CSMD3: variants seen among roughly 807,000 people sequenced by gnomAD.
The protein encoded by CSMD3 is CUB and Sushi multiple domains 3, also known as CUB and sushi domain-containing protein 3.
Under a neutral mutation model 435.2 loss-of-function variants are expected in CSMD3, and 177 were observed. The observed-to-expected ratio is 0.41, with a 90% confidence interval of 0.36 to 0.46. CSMD3 has a LOEUF of 0.46. Ranked by LOEUF, CSMD3 falls within the 20% of genes least tolerant of loss-of-function variation. The pLI, the probability that CSMD3 is intolerant of heterozygous loss-of-function variation, is 0.34. For missense variants in CSMD3, 4,265 were observed against 4,504.6 expected, an observed-to-expected ratio of 0.95 and a Z score of 1.52; for synonymous variants, 1,656 against 1,520.5, an observed-to-expected ratio of 1.09 and a Z score of -2.07.
intron 5 of CSMD3, among the ~76,000 whole-genome samples, chr8:113,082,016 T>C (rs1202029979): frequency 1.3e-5 from 2 of 152,090 alleles, no homozygotes; most frequent in Non-Finnish European, 2.9e-5. Context: ...CTGGCCCACC[T>C]GGACAATCAC....
intron 1 of CSMD3, among the ~76,000 whole-genome samples, chr8:113,405,780 G>A (rs1038462721): frequency 1.7e-4 from 26 of 151,674 alleles, no homozygotes; most frequent in African/African-American, 6.3e-4. Context: ...TTCAAAGCTG[G>A]CAAATGAGAA....
At chr8:112,912,907 T>C (rs2082465691) in intron 10 of CSMD3, among the ~76,000 whole-genome samples, 1 of 151,864 alleles carries the variant, frequency 6.6e-6, no homozygotes, top group African/African-American at 2.4e-5. Context: ...AATGATTGAG[T>C]AGACATTTCT....
intron 9 of CSMD3, among the ~76,000 whole-genome samples, chr8:112,928,218 C>A (rs1026907286): frequency 6.6e-6 from 1 of 151,998 alleles, no homozygotes; most frequent in Non-Finnish European, 1.5e-5. Flanking sequence ...ATACATTGTT[C>A]AGAGAGAAAC....
intron 35 of CSMD3, among the ~76,000 whole-genome samples, chr8:112,401,600 T>C (rs763957984): frequency 3.6e-4 from 55 of 152,138 alleles, no homozygotes; most frequent in Non-Finnish European, 3.4e-4. Context: ...TTGCCAACAA[T>C]GAAAACAAAC....
chr8:112,603,721 G>A (rs1025905896), intron 22 of CSMD3, among the ~76,000 whole-genome samples: 1 of 151,860 alleles, frequency 6.6e-6, no homozygotes, highest in African/African-American at 2.4e-5. Context: ...CTTTTTTTAT[G>A]TTACATGGTT....
At chr8:113,041,873 G>A (rs1014114529) in intron 5 of CSMD3, among the ~76,000 whole-genome samples, 3 of 152,110 alleles carry the variant, frequency 2.0e-5, no homozygotes, top group South Asian at 2.1e-4. Context: ...GATATATTTT[G>A]CTTCAAAGTA....
chr8:113,098,933 C>G lies in CSMD3; in HGVS notation c.740G>C (p.Gly247Ala), dbSNP rs987283813. ...AEDACGGTMRGSSGIISSPSF... is the reference protein window; with the variant it reads ...AEDACGGTMRASSGIISSPSF... ...AGGGCTGGATATGATGCCACTGGAT[C>G]CTCTCATTGTTCCTCCACAAGCATC... The change falls in exon 5 of 71, where the codon GGA (glycine) becomes GCA (alanine). Residue 247 changes from glycine (G) to alanine (A), a missense_variant. This residue lies in a region of CSMD3 where 731 missense variants were observed against 755.4 expected (regional missense o/e 0.97). Coordinates refer to ENST00000297405, the MANE Select transcript of CSMD3 (RefSeq NM_198123.2). 1 of 1,611,552 alleles carries G rather than the reference C, an allele frequency of 6.2e-7. No individual in the cohort carries two copies. Among genetic ancestry groups the G allele is most frequent in the African/African-American group, 1.3e-5 (1 of 74,786 alleles).
At chr8:113,265,669 CTTT>C (rs895206233) in intron 3 of CSMD3, among the ~76,000 whole-genome samples, 4 of 151,328 alleles carry the variant, frequency 2.6e-5, no homozygotes, top group Non-Finnish European at 4.4e-5. Flanking sequence ...TTGTAAGTTT[CTTT>C]ATTTTGAAGA....
At chr8:112,289,622 G>A (rs1488983061) in intron 56 of CSMD3, 84 bp from the exon 57 acceptor site, 1 of 875,720 alleles carries the variant, frequency 1.1e-6, no homozygotes, top group Non-Finnish European at 1.7e-6. Flanking sequence ...GAACATACCA[G>A]AAGTAAATGT....
intron 56 of CSMD3, among the ~76,000 whole-genome samples, chr8:112,290,583 C>A (rs1253710303): frequency 1.3e-5 from 2 of 151,346 alleles, no homozygotes; most frequent in African/African-American, 4.8e-5. Flanking sequence ...GTTGTTTCTT[C>A]ATTAGTACAT....
At chr8:113,264,898 T>C (rs1219743327) in intron 3 of CSMD3, among the ~76,000 whole-genome samples, 5 of 151,588 alleles carry the variant, frequency 3.3e-5, no homozygotes, top group Admixed American at 6.6e-5. Context: ...TACTAATCAA[T>C]TTTTTTGTTA....
At chr8:112,791,125 C>A (rs904818587) in intron 13 of CSMD3, among the ~76,000 whole-genome samples, 1 of 151,912 alleles carries the variant, frequency 6.6e-6, no homozygotes, top group African/African-American at 2.4e-5. Context: ...GAGTTCGAGA[C>A]CAGCCTGGGC....
At chr8:112,344,521 G>A (rs962295394) in intron 41 of CSMD3, among the ~76,000 whole-genome samples, 13 of 152,080 alleles carry the variant, frequency 8.5e-5, no homozygotes, top group Non-Finnish European at 1.5e-4. Flanking sequence ...TGCTTACTGG[G>A]TAGTGAGATA....
At chr8:113,140,846 T>C (rs1471371024) in intron 4 of CSMD3, among the ~76,000 whole-genome samples, 3 of 150,662 alleles carry the variant, frequency 2.0e-5, no homozygotes, top group Non-Finnish European at 4.5e-5. Flanking sequence ...CTCAACAACC[T>C]AAAGAAGAGC....
At chr8:113,192,650 G>A (rs946747132) in intron 3 of CSMD3, among the ~76,000 whole-genome samples, 3 of 151,046 alleles carry the variant, frequency 2.0e-5, no homozygotes, top group Non-Finnish European at 4.4e-5. Flanking sequence ...AAACCCTATC[G>A]AGTATTTCAT....
chr8:112,980,935 G>T (rs560807627), intron 6 of CSMD3, among the ~76,000 whole-genome samples: 5 of 151,522 alleles, frequency 3.3e-5, no homozygotes, highest in African/African-American at 1.2e-4. Flanking sequence ...ACTGAAAGTA[G>T]CCCTTAAAAC....
intron 7 of CSMD3, among the ~76,000 whole-genome samples, chr8:112,973,056 G>C (rs2084715710): frequency 6.6e-6 from 1 of 151,924 alleles, no homozygotes; most frequent in Non-Finnish European, 1.5e-5. Context: ...CAAAATAATA[G>C]AGTGATTGTG....
intron 12 of CSMD3, among the ~76,000 whole-genome samples, chr8:112,828,279 G>A (rs2079757982): frequency 6.6e-6 from 1 of 152,114 alleles, no homozygotes; most frequent in African/African-American, 2.4e-5. Context: ...ACAAAAATGT[G>A]AGCAACATAA....
intron 31 of CSMD3, among the ~76,000 whole-genome samples, 186 bp downstream of exon 31, chr8:112,492,303 G>A (rs565610299): frequency 1.3e-5 from 2 of 152,238 alleles, no homozygotes; most frequent in South Asian, 2.1e-4. Flanking sequence ...GGGAATATAA[G>A]CACTTTTCCA....
Sources: gnomAD v4.1 joint callset for allele counts (sites outside exome capture counted in the v4.1 genomes callset) on GRCh38, gnomAD v4.1.1 for gene constraint, gnomAD v4.1.1 regional missense constraint, MANE v1.5 for transcripts, NCBI Gene and HGNC (gene_info 2026-07-23, HGNC 2026-07-21) for gene names.